HSPA12B: variants seen among roughly 807,000 people sequenced by gnomAD.
HSPA12B encodes the protein heat shock 70 kDa protein 12B.
A neutral mutation model predicts 69.3 loss-of-function variants in HSPA12B; 54 were observed. The observed-to-expected ratio is 0.78, with a 90% CI of 0.63 to 0.98. The LOEUF is 0.98. Among genes scored for constraint, HSPA12B ranks in the 50% least tolerant of loss-of-function variants. The probability of loss-of-function intolerance (pLI) is 0.00; values close to 1 mark genes in which losing one functional copy is unlikely to be tolerated. For synonymous variants in HSPA12B, 441 were observed against 436.5 expected, an observed-to-expected ratio of 1.01 and a Z score of -0.13; for missense variants, 929 against 999.8, an observed-to-expected ratio of 0.93 and a Z score of 0.96.
Position 3,745,385 on chromosome 20 carries a change from T to C in HSPA12B, c.454-108T>C, listed in dbSNP as rs1040706394. ...ACATGGGGCAAGAGTGGGACGGTGG[T>C]AAAGAGGAGGGGAAGCTCCAGGAAA... On this transcript the variant is annotated intron_variant, in intron 5 of 12. Coordinates refer to ENST00000254963, the MANE Select transcript of HSPA12B (RefSeq NM_052970.5). This position sits in a 1 kb window ranked among gnomAD's most constrained non-coding sequence, Gnocchi z 5.6. The C allele has an allele frequency of 7.3e-6, 6 of 821,102 alleles. No individual in the cohort carries two copies. Among genetic ancestry groups the C allele is most frequent in the Admixed American group, 2.0e-5 (1 of 50,832 alleles). 50.9% of individuals were successfully genotyped at this position (821,102 alleles called of 1,614,324 possible). A position where few individuals can be genotyped will look rare whatever the true frequency, so the allele number is the denominator to read the frequency against.
chr20:3,746,301 C>CTTTTTTTTTTTTTTTTTTTTTT (rs11473544), intron 7 of HSPA12B, among the ~76,000 whole-genome samples: 2 of 89,244 alleles, frequency 2.2e-5, no homozygotes, highest in Non-Finnish European at 4.0e-5. Context: ...GATGGAGAGT[C>CTTTTTTTTTTTTTTTTTTTTTT]TTTTTTTTTT....
rs1325463795 is a variant in HSPA12B at position 3,750,896 on chromosome 20, T to G, written c.1394T>G (p.Ile465Ser). ...ELFQPTVSGI[I>S]QHIEALLARP... ...TTTCAGCCCACCGTCAGCGGGATCA[T>G]CCAGCACATAGGTGAGCACCTGAGC... Residue 465 changes from isoleucine (I) to serine (S), a missense_variant, in exon 12 of 13, where the codon ATC (isoleucine) becomes AGC (serine). Physicochemically the swap from Ile to Ser is moderately radical, Grantham distance 142. Around this residue, in one of 3 missense-constraint regions of HSPA12B, gnomAD observed 448 missense variants for 448.1 expected, o/e 1.00. Transcript: ENST00000254963. 6.2e-7 allele frequency: 1 copy of G among 1,613,796 alleles called. No individual in the cohort carries two copies. The highest frequency in any genetic ancestry group is 8.5e-7 in the Non-Finnish European group (1 of 1,179,996).
chr20:3,745,666 C>A lies in HSPA12B; in HGVS notation c.558+69C>A. 2.9e-6 allele frequency: 4 copies of A among 1,388,938 alleles called. No homozygotes were observed. The highest frequency in any genetic ancestry group is 4.1e-6 in the Non-Finnish European group (4 of 984,194). The allele number at this position is 1,388,938 out of a possible 1,614,324, so 86.0% of individuals were successfully genotyped here. A position where few individuals can be genotyped will look rare whatever the true frequency, so the allele number is the denominator to read the frequency against. On this transcript the variant is annotated intron_variant, in intron 6 of 12. Transcript: ENST00000254963. This position sits in a 1 kb window ranked among gnomAD's most constrained non-coding sequence, Gnocchi z 5.6. ...TATTTTCCCCTCATCCGAAACCGCTCCCCCATCCCGTCCCCGACATTGGAT... is the reference window on the plus strand; with the variant it reads ...TATTTTCCCCTCATCCGAAACCGCTACCCCATCCCGTCCCCGACATTGGAT...
At chr20:3,751,396 A>T in intron 12 of HSPA12B, 115 bp from the exon 13 acceptor site, 1 of 1,354,658 alleles carries the variant, frequency 7.4e-7, no homozygotes, top group Non-Finnish European at 9.4e-7. Context: ...CCAGGTAGGT[A>T]CAGGCTAGGG....
Position 3,750,054 on chromosome 20 carries a change from C to G in HSPA12B, c.1128C>G (p.Phe376Leu). The G allele has an allele frequency of 6.2e-7, 1 of 1,610,090 alleles. No homozygotes were observed. The highest frequency in any genetic ancestry group is 8.5e-7 in the Non-Finnish European group (1 of 1,178,738). Residue 376 changes from phenylalanine to leucine, a missense_variant, in exon 11 of 13, where the codon TTC becomes TTG. Phe to Leu is a conservative substitution (Grantham distance 22, BLOSUM62 0). Coordinates refer to ENST00000254963, the MANE Select transcript of HSPA12B (RefSeq NM_052970.5). ...RIFGEDFIAT[F>L]KRQRPAAWVD... ...TCGGCGAGGACTTCATCGCCACCTT[C>G]AAAAGGCAACGGCCGGCAGCCTGGG...
intron 7 of HSPA12B, 135 bp downstream of exon 7, chr20:3,746,166 T>TTAC: frequency 1.5e-6 from 1 of 646,824 alleles, no homozygotes; most frequent in South Asian, 1.9e-5. Flanking sequence ...TGATGGGAGT[T>TTAC]TGTAGAGTTG....
chr20:3,741,501 T>C (rs1397121450), intron 3 of HSPA12B, among the ~76,000 whole-genome samples: 1 of 152,058 alleles, frequency 6.6e-6, no homozygotes, highest in Non-Finnish European at 1.5e-5. Context: ...GGCGTGGTGG[T>C]GCACACCTGT....
chr20:3,749,942 C>A lies in HSPA12B; in HGVS notation c.1043-27C>A. ...CCTGGCGGCCCGGCGAGCGCTGACG[C>A]CCTCTTCGCCCCCTGCTCCACCCCA... On this transcript the variant is annotated intron_variant, in intron 10 of 12. Coordinates refer to ENST00000254963, the MANE Select transcript of HSPA12B (RefSeq NM_052970.5). The surrounding 1 kb of genome is among the most constrained non-coding windows in gnomAD (Gnocchi z 5.5). 6.5e-7 allele frequency: 1 copy of A among 1,548,042 alleles called. No homozygotes were observed. Among genetic ancestry groups the A allele is most frequent in the Non-Finnish European group, 8.7e-7 (1 of 1,143,710 alleles).
intron 4 of HSPA12B, among the ~76,000 whole-genome samples, chr20:3,743,166 G>T (rs2088235797): frequency 8.4e-6 from 1 of 119,686 alleles, no homozygotes; most frequent in Admixed American, 1.0e-4. Context: ...GATTACAGAT[G>T]TGAGCCACCA....
In HSPA12B at chr20:3,752,170, C is replaced by T. The variant is rs1411216498; in HGVS notation, c.*4C>T. On this transcript the variant is annotated 3_prime_UTR_variant, in exon 13 of 13. Coordinates refer to ENST00000254963, the MANE Select transcript of HSPA12B (RefSeq NM_052970.5). ...CATCGACTTTCTTTCCAACTGAGGG[C>T]GCGCCGGCGCGGTGCCAGCGCCGTC... 2.1e-6 allele frequency: 3 copies of T among 1,454,994 alleles called. No homozygotes were observed. Among genetic ancestry groups the T allele is most frequent in the African/African-American group, 3.0e-5 (2 of 67,464 alleles). 90.1% of individuals were successfully genotyped at this position (1,454,994 alleles called of 1,614,324 possible). A position where few individuals can be genotyped will look rare whatever the true frequency, so the allele number is the denominator to read the frequency against.
At chr20:3,733,304 G>A (rs1415953022) in intron 1 of HSPA12B, among the ~76,000 whole-genome samples, 1 of 152,274 alleles carries the variant, frequency 6.6e-6, no homozygotes, top group East Asian at 1.9e-4. Context: ...GTGGGGTGGG[G>A]TCCAGGTTCC....
rs542791253 is a variant in HSPA12B at position 3,742,351 on chromosome 20, C to T, written c.209C>T (p.Thr70Met). Residue 70 changes from threonine to methionine, a missense_variant, in exon 4 of 13, where the codon ACG becomes ATG. By Grantham distance (81) the Thr-to-Met change is moderately conservative (BLOSUM62 -1). This residue lies in a region of HSPA12B where 477 missense variants were observed against 535.2 expected (regional missense o/e 0.89). Transcript: ENST00000254963. ...GTGGTGGCCATTGACTTCGGCACCACGTCTAGTGGCTATGCTTTCAGCTTT... is the reference window on the plus strand; with the variant it reads ...GTGGTGGCCATTGACTTCGGCACCATGTCTAGTGGCTATGCTTTCAGCTTT... ...SVVVAIDFGT[T>M]SSGYAFSFAS... 1.7e-5 allele frequency: 27 copies of T among 1,614,122 alleles called. No homozygotes were observed. Among genetic ancestry groups the T allele is most frequent in the Admixed American group, 3.3e-5 (2 of 60,026 alleles).
chr20:3,746,166 T>C, intron 7 of HSPA12B, 135 bp downstream of exon 7: 1 of 646,824 alleles, frequency 1.5e-6, no homozygotes, highest in Admixed American at 2.5e-5. Context: ...TGATGGGAGT[T>C]TGTAGAGTTG....
rs868681502 is a variant in HSPA12B, at chr20:3,751,747, C to T, written c.1642C>T (p.Leu548Phe). Residue 548 changes from leucine (L) to phenylalanine (F), a missense_variant, in exon 13 of 13, where the codon CTC becomes TTC. Physicochemically the swap from Leu to Phe is conservative, Grantham distance 22. Coordinates refer to ENST00000254963, the MANE Select transcript of HSPA12B (RefSeq NM_052970.5). ...GCCGCTCACCTATGGCGTGGGCGTG[C>T]TCAACCGCTTTGTGCCTGGGCGCCA... ...RSPLTYGVGVLNRFVPGRHPP... is the reference protein window; with the variant it reads ...RSPLTYGVGVFNRFVPGRHPP... The T allele has an allele frequency of 6.6e-7, 1 of 1,522,300 alleles. No individual in the cohort carries two copies. The highest frequency in any genetic ancestry group is 2.0e-5 in the Admixed American group (1 of 49,698). 94.3% of individuals were successfully genotyped at this position (1,522,300 alleles called of 1,614,324 possible).
At chr20:3,738,547 T>A in intron 1 of HSPA12B, 111 bp from the exon 2 acceptor site, 1 of 936,818 alleles carries the variant, frequency 1.1e-6, no homozygotes, top group Non-Finnish European at 1.7e-6. Flanking sequence ...ATGGCTGGGA[T>A]TTGCTTCAAA....
rs1158910728 is a variant in HSPA12B at position 3,740,913 on chromosome 20, G to A, written c.141+1G>A. 6.2e-7 allele frequency: 1 copy of A among 1,611,214 alleles called. No homozygotes were observed. ...CCCCCTCACACCCTCGCAGTCTCCA[G>A]TAAGCCCAGAGCAGGGACCAGGTGG... On this transcript the variant is annotated splice_donor_variant, in intron 3 of 12. Transcript: ENST00000254963. LOFTEE classifies it high-confidence loss of function. The surrounding 1 kb of genome is among the most constrained non-coding windows in gnomAD (Gnocchi z 4.9).
rs2088291286 is a variant in HSPA12B, at chr20:3,745,851, C to G, written c.559-64C>G. 1 of 1,387,560 alleles carries G rather than the reference C, an allele frequency of 7.2e-7. No homozygotes were observed. The highest frequency in any genetic ancestry group is 1.0e-6 in the Non-Finnish European group (1 of 973,602). 86.0% of individuals were successfully genotyped at this position (1,387,560 alleles called of 1,614,324 possible). On this transcript the variant is annotated intron_variant, in intron 6 of 12. Coordinates refer to ENST00000254963, the MANE Select transcript of HSPA12B (RefSeq NM_052970.5). This position sits in a 1 kb window ranked among gnomAD's most constrained non-coding sequence, Gnocchi z 5.6. Reference sequence around the variant, plus strand: ...GATTTGATTAGTACCTCCAGTTCCGCAGAGGGCTGAAGACCACCCTCCCTC... The same window carrying G: ...GATTTGATTAGTACCTCCAGTTCCGGAGAGGGCTGAAGACCACCCTCCCTC...
At position 3,752,036 on chromosome 20, in the gene HSPA12B, C is replaced by A. The variant is rs932951524; in HGVS notation, c.1931C>A (p.Ala644Asp). ...CCCGCCGACTGCGGCCAGGACACCG[C>A]CGGCGCGCCTCCCGGCCGCCGCGAG... ...LEPADCGQDT[A>D]GAPPGRREIR... is the part of the protein sequence containing the mutation. Residue 644 changes from alanine (A) to aspartate (D), a missense_variant, in exon 13 of 13, where the codon GCC becomes GAC. Physicochemically the swap from Ala to Asp is moderately radical, Grantham distance 126 (BLOSUM62 -2). Transcript: ENST00000254963. 2.6e-6 allele frequency: 4 copies of A among 1,553,138 alleles called. No individual in the cohort carries two copies. Among genetic ancestry groups the A allele is most frequent in the Middle Eastern group, 1.7e-4 (1 of 5,988 alleles).
intron 1 of HSPA12B, among the ~76,000 whole-genome samples, chr20:3,736,798 G>A (rs988687464): frequency 6.6e-5 from 10 of 152,268 alleles, no homozygotes; most frequent in Admixed American, 3.9e-4. Context: ...TGAGACGGGC[G>A]GATCACCTGA....
Sources: gnomAD v4.1 joint callset for allele counts (sites outside exome capture counted in the v4.1 genomes callset) on GRCh38, gnomAD v4.1.1 for gene constraint, gnomAD v4.1.1 regional missense constraint, Gnocchi (gnomAD v3.1) non-coding constraint, MANE v1.5 for transcripts, NCBI Gene and HGNC (gene_info 2026-07-23, HGNC 2026-07-21) for gene names.